Variants in TTC7A observed in about 807,000 individuals in gnomAD.
TTC7A encodes tetratricopeptide repeat domain 7A, also known as tetratricopeptide repeat protein 7A.
In TTC7A, 110 loss-of-function variants were observed where a neutral mutation model predicts 103.7. The ratio of observed to expected loss-of-function variants is 1.06; its 90% CI spans 0.91 to 1.24. The LOEUF (loss-of-function observed/expected upper bound fraction) is 1.24, where lower values mean the gene tolerates loss of function less well. Among genes scored for constraint, TTC7A ranks in the 50% most tolerant of loss-of-function variants. The pLI is 0.00. For synonymous variants in TTC7A, 521 were observed against 467.9 expected, an observed-to-expected ratio of 1.11 and a Z score of -1.47; for missense variants, 1,340 against 1,116.3, an observed-to-expected ratio of 1.20 and a Z score of -2.86.
intron 15 of TTC7A, among the ~76,000 whole-genome samples, chr2:47,037,998 C>A (rs1295859942): frequency 6.6e-6 from 1 of 152,150 alleles, no homozygotes; most frequent in African/African-American, 2.4e-5. Context: ...TGCCTGTAAT[C>A]CCAGCACTTT....
At chr2:46,996,463 G>A (rs1241895902) in intron 8 of TTC7A, among the ~76,000 whole-genome samples, 2 of 152,232 alleles carry the variant, frequency 1.3e-5, no homozygotes, top group African/African-American at 2.4e-5. Flanking sequence ...GGGACCATGC[G>A]ATGCCAGGGC....
upstream of TTC7A, among the ~76,000 whole-genome samples, chr2:46,938,466 C>T (rs952756257): frequency 3.9e-5 from 6 of 152,260 alleles, no homozygotes; most frequent in East Asian, 1.2e-3. Context: ...TTCTCTTCTA[C>T]TTTGTGACAC....
intron 16 of TTC7A, among the ~76,000 whole-genome samples, chr2:47,048,675 T>C (rs1682566354): frequency 1.3e-5 from 2 of 152,168 alleles, no homozygotes; most frequent in African/African-American, 2.4e-5. Flanking sequence ...GGATCACAGC[T>C]CACTGCAGCC....
At chr2:47,031,637 A>C (rs146564100) in intron 15 of TTC7A, among the ~76,000 whole-genome samples, 1 of 152,240 alleles carries the variant, frequency 6.6e-6, no homozygotes, top group Non-Finnish European at 1.5e-5. Context: ...ACTGTGATGC[A>C]GGCGGGAGCA....
chr2:46,954,822 C>T (rs866344001), intron 2 of TTC7A, among the ~76,000 whole-genome samples: 3 of 152,042 alleles, frequency 2.0e-5, no homozygotes, highest in Admixed American at 6.6e-5. Flanking sequence ...CTGCCTGCCT[C>T]GACCTCCCAA....
At chr2:46,964,779 T>G (rs114633159) in intron 3 of TTC7A, among the ~76,000 whole-genome samples, 1,979 of 152,288 alleles carry the variant, frequency 0.013, 28 homozygotes, top group Non-Finnish European at 0.018. Flanking sequence ...CTCTTCCATT[T>G]CTCTAGCACT....
intron 19 of TTC7A, among the ~76,000 whole-genome samples, chr2:47,071,419 C>T (rs1431199523): frequency 1.3e-5 from 2 of 152,182 alleles, no homozygotes; most frequent in African/African-American, 4.8e-5. Flanking sequence ...ATCAGTCACT[C>T]CACCCGCTCC....
intron 2 of TTC7A, among the ~76,000 whole-genome samples, chr2:46,919,550 A>T (rs1668990806): frequency 6.6e-6 from 1 of 152,160 alleles, no homozygotes; most frequent in Non-Finnish European, 1.5e-5. Context: ...AATAAATAAG[A>T]CTTTAGGTAA....
At chr2:47,013,844 T>G (rs1025951810) in intron 11 of TTC7A, among the ~76,000 whole-genome samples, 1 of 152,184 alleles carries the variant, frequency 6.6e-6, no homozygotes, top group African/African-American at 2.4e-5. Flanking sequence ...CTGTTTAACT[T>G]CAGCTGAGCA....
In TTC7A at chr2:47,051,768, C is replaced by A. The variant is rs374954899; in HGVS notation, c.2040C>A (p.Ile680=). 1 of 1,610,696 alleles carries A rather than the reference C, an allele frequency of 6.2e-7. No homozygotes were observed. The highest frequency in any genetic ancestry group is 8.5e-7 in the Non-Finnish European group (1 of 1,179,438). ...CAGGCTCCCGGCGGGCTTCGTCCAT[C>A]GCCGCCTCCCGGCTGGAGGAGGCCA... The part of the protein sequence containing the change: ...ADSGSRRASS[I]AASRLEEAMS... Residue 680 remains isoleucine (I), a synonymous_variant, in exon 18 of 20, where the codon ATC becomes ATA. Transcript: ENST00000319190.
intron 19 of TTC7A, among the ~76,000 whole-genome samples, chr2:47,066,407 G>A (rs1452056827): frequency 2.6e-5 from 4 of 152,128 alleles, no homozygotes; most frequent in Admixed American, 6.5e-5. Context: ...CTGAGTCACT[G>A]AGGGCCAGAG....
chr2:46,998,436 G>C (rs2104410617), intron 8 of TTC7A, among the ~76,000 whole-genome samples: 1 of 152,160 alleles, frequency 6.6e-6, no homozygotes, highest in South Asian at 2.1e-4. Context: ...CTAGGGTATG[G>C]GTTCCACTCT....
intron 11 of TTC7A, among the ~76,000 whole-genome samples, chr2:47,017,734 T>A (rs1471501539): frequency 2.6e-5 from 4 of 152,082 alleles, no homozygotes; most frequent in African/African-American, 7.2e-5. Flanking sequence ...CCTCTGTGGC[T>A]AAGGATCTGG....
intron 19 of TTC7A, among the ~76,000 whole-genome samples, chr2:47,063,285 G>A (rs986259286): frequency 2.6e-5 from 4 of 152,174 alleles, no homozygotes; most frequent in Non-Finnish European, 5.9e-5. Context: ...ATCAAATGAG[G>A]TGATGCATGT....
At chr2:47,033,790 G>C (rs1315434665) in intron 15 of TTC7A, among the ~76,000 whole-genome samples, 1 of 152,190 alleles carries the variant, frequency 6.6e-6, no homozygotes, top group Non-Finnish European at 1.5e-5. Flanking sequence ...CACCAACAGC[G>C]TGAGGCTGTA....
intron 3 of TTC7A, among the ~76,000 whole-genome samples, chr2:46,972,060 G>C (rs952765540): frequency 2.0e-5 from 3 of 152,122 alleles, no homozygotes; most frequent in Non-Finnish European, 2.9e-5. Context: ...ATTTCCAGCA[G>C]GTAGAGCTTC....
chr2:46,935,267 C>G (rs576604829), intron 2 of TTC7A, among the ~76,000 whole-genome samples: 1 of 151,924 alleles, frequency 6.6e-6, no homozygotes, highest in Non-Finnish European at 1.5e-5. Context: ...CTGTTCCTCC[C>G]CACACTCTTT....
rs562377909 is a variant in TTC7A, at chr2:47,058,208, T to C, written c.2153-2561T>C. Among the ~76,000 whole-genome samples the C allele has an allele frequency of 3.3e-5, 5 of 152,328 alleles. No individual in the cohort carries two copies. The East Asian group carries it at 7.7e-4, about 23-fold the overall frequency. ...TCCATTTCAGGCTGTCCCCAGGGACTAGAGCCCGCATTTCTCTCCCATATC... is the reference window on the plus strand; with the variant it reads ...TCCATTTCAGGCTGTCCCCAGGGACCAGAGCCCGCATTTCTCTCCCATATC... On this transcript the variant is annotated intron_variant, in intron 18 of 19. Transcript: ENST00000319190.
upstream of TTC7A, among the ~76,000 whole-genome samples, chr2:46,938,276 C>T (rs1670078795): frequency 6.6e-6 from 1 of 152,180 alleles, no homozygotes; most frequent in South Asian, 2.1e-4. Flanking sequence ...TAAAGGACAA[C>T]CTTACAAACT....
Sources: allele counts gnomAD v4.1 joint callset (sites outside exome capture counted in the v4.1 genomes callset), GRCh38; gene constraint gnomAD v4.1.1; transcripts MANE v1.5; gene names NCBI Gene and HGNC (gene_info 2026-07-23, HGNC 2026-07-21).